The following FMNL1 variants were observed in gnomAD, a reference collection of about 807,000 sequenced individuals.
FMNL1 encodes the protein formin-like protein 1.
FMNL1 carries 43 observed loss-of-function variants against 121.3 expected under a neutral mutation model. The observed-to-expected ratio is 0.35, with a 90% CI of 0.28 to 0.46. The LOEUF is 0.46. Among genes scored for constraint, FMNL1 ranks in the 20% least tolerant of loss-of-function variants. FMNL1 has a pLI of 1.00. For synonymous variants in FMNL1, 613 were observed against 613.5 expected (o/e 1.00, Z 0.01); for missense variants, 1,191 against 1,482.4 (o/e 0.80, Z 3.23).
In FMNL1 at chr17:45,231,738, T is replaced by A. The variant is rs946990616; in HGVS notation, c.214-629T>A. ...TGAGCACAGGAGAGGAGCACGCAGGTTCCTGCCAACGCAGATGTGCAGGGC... is the reference window on the plus strand; with the variant it reads ...TGAGCACAGGAGAGGAGCACGCAGGATCCTGCCAACGCAGATGTGCAGGGC... On this transcript the variant is annotated intron_variant, in intron 2 of 26. Coordinates refer to ENST00000331495, the MANE Select transcript of FMNL1 (RefSeq NM_005892.4). This position sits in a 1 kb window ranked among gnomAD's most constrained non-coding sequence, Gnocchi z 4.7. Among the ~76,000 whole-genome samples, 1 of 152,032 alleles carries A rather than the reference T, an allele frequency of 6.6e-6. No homozygotes were observed. The highest frequency in any genetic ancestry group is 2.4e-5 in the African/African-American group (1 of 41,376).
At chr17:45,238,193 C>A in intron 9 of FMNL1, 1 of 229,954 alleles carries the variant, frequency 4.3e-6, no homozygotes, top group Non-Finnish European at 8.6e-6. Flanking sequence ...AGAAAAAAGC[C>A]AGCAATGTTG....
chr17:45,230,249 A>G (rs1427319868), intron 1 of FMNL1, among the ~76,000 whole-genome samples: 1 of 152,136 alleles, frequency 6.6e-6, no homozygotes, highest in Non-Finnish European at 1.5e-5. Context: ...TGATGCCCCA[A>G]CAGGAAAACT....
At chr17:45,235,844 C>CGCCACCTTG (rs1282744338) in intron 6 of FMNL1, among the ~76,000 whole-genome samples, 1 of 152,182 alleles carries the variant, frequency 6.6e-6, no homozygotes, top group East Asian at 1.9e-4. Flanking sequence ...TGGCCATGAG[C>CGCCACCTTG]GCCACCTTGT....
In FMNL1 at chr17:45,238,998, A is replaced by T. The variant is rs1188214863; in HGVS notation, c.1013A>T (p.Glu338Val). The T allele has an allele frequency of 1.9e-6, 3 of 1,614,084 alleles. No homozygotes were observed. The highest frequency in any genetic ancestry group is 2.5e-6 in the Non-Finnish European group (3 of 1,180,036). Residue 338 changes from glutamate to valine, a missense_variant, in exon 11 of 27, where the codon GAG becomes GTG. Physicochemically the swap from Glu to Val is moderately radical, Grantham distance 121. Coordinates refer to ENST00000331495, the MANE Select transcript of FMNL1 (RefSeq NM_005892.4). ...QFINIVVHSV[E>V]NMNFRVFLQY... ...ATCAACATTGTGGTACATTCGGTGGAGAACATGAACTTCCGTGTCTTCCTG... is the reference window on the plus strand; with the variant it reads ...ATCAACATTGTGGTACATTCGGTGGTGAACATGAACTTCCGTGTCTTCCTG...
intron 16 of FMNL1, 117 bp downstream of exon 16, chr17:45,242,582 G>A (rs1015216366): frequency 2.1e-6 from 3 of 1,444,950 alleles, no homozygotes; most frequent in Non-Finnish European, 2.8e-6. Context: ...ATGAGGAGGG[G>A]GAGGCCCAGG....
At position 45,233,322 on chromosome 17, in the gene FMNL1, C is replaced by A. The variant is rs1458577090; in HGVS notation, c.401+25C>A. 6.5e-7 allele frequency: 1 copy of A among 1,549,764 alleles called. No homozygotes were observed. ...GGTGAGTGAGGGCTCAGATCTTCCT[C>A]TCTGGGCCTAGGAAGGCTCTGCTTC... On this transcript the variant is annotated intron_variant, in intron 4 of 26. Transcript: ENST00000331495. The surrounding 1 kb of genome is among the most constrained non-coding windows in gnomAD (Gnocchi z 4.1).
chr17:45,222,424 C>T (rs2043246365), intron 1 of FMNL1, among the ~76,000 whole-genome samples, 171 bp downstream of exon 1: 1 of 151,986 alleles, frequency 6.6e-6, no homozygotes, highest in Non-Finnish European at 1.5e-5. Context: ...TTCAGAGTGA[C>T]TTAGCACTCT....
At position 45,243,786 on chromosome 17, in the gene FMNL1, C is replaced by T; in HGVS notation, c.2214-5C>T. 6.2e-7 allele frequency: 1 copy of T among 1,605,330 alleles called. No individual in the cohort carries two copies. The highest frequency in any genetic ancestry group is 1.3e-5 in the African/African-American group (1 of 74,916). On this transcript the variant is annotated splice_polypyrimidine_tract_variant and splice_region_variant and intron_variant, in intron 17 of 26. Coordinates refer to ENST00000331495, the MANE Select transcript of FMNL1 (RefSeq NM_005892.4). ...GCCCAATCTCCCCTCTCCTCCCTCT[C>T]ACAGGTACGACCTGCAGGCTCTGGG...
At chr17:45,224,561 C>G (rs1318212204) in intron 1 of FMNL1, among the ~76,000 whole-genome samples, 1 of 152,198 alleles carries the variant, frequency 6.6e-6, no homozygotes, top group Non-Finnish European at 1.5e-5. Flanking sequence ...CTTCCTTCCC[C>G]TTTTGTCCCT....
chr17:45,234,174 G>A lies in FMNL1; in HGVS notation c.588G>A (p.Val196=). The change falls in exon 6 of 27, where the codon GTG becomes GTA. Residue 196 remains valine (V), a synonymous_variant. Coordinates refer to ENST00000331495, the MANE Select transcript of FMNL1 (RefSeq NM_005892.4). ...EDLSKGPPSS[V]PKSRHLTIKL... is the part of the protein sequence containing the mutation. ...TCAGCAAGGGTCCACCCTCCTCCGT[G>A]CCCAAAAGCCGCCACCTGACCATCA... 2 of 1,614,090 alleles carry A rather than the reference G, an allele frequency of 1.2e-6. No homozygotes were observed. Among genetic ancestry groups the A allele is most frequent in the Non-Finnish European group, 1.7e-6 (2 of 1,180,020 alleles).
At chr17:45,240,887 C>A in intron 12 of FMNL1, 1 of 701,828 alleles carries the variant, frequency 1.4e-6, no homozygotes, top group South Asian at 1.9e-5. Flanking sequence ...GAAATGGGTG[C>A]CTGGGGCCCC....
Position 45,222,264 on chromosome 17 carries a change from C to A in FMNL1, c.129+11C>A, listed in dbSNP as rs968654022. On this transcript the variant is annotated intron_variant, in intron 1 of 26. Coordinates refer to ENST00000331495, the MANE Select transcript of FMNL1 (RefSeq NM_005892.4). ...TTCAACCGCGCCCTGGTGAGTGCGA[C>A]CCGGAGGCGGGTCGGGCGCGGGCGG... is the stretch of plus-strand genomic sequence containing the variant. The A allele has an allele frequency of 2.5e-6, 3 of 1,178,476 alleles. No homozygotes were observed. Among genetic ancestry groups the A allele is most frequent in the Non-Finnish European group, 3.2e-6 (3 of 951,914 alleles). The allele number at this position is 1,178,476 out of a possible 1,614,324, so 73.0% of individuals were successfully genotyped here. A position where few individuals can be genotyped will look rare whatever the true frequency, so the allele number is the denominator to read the frequency against.
chr17:45,222,163 C>A lies in FMNL1; in HGVS notation c.39C>A (p.Gly13=). The A allele has an allele frequency of 8.3e-7, 1 of 1,208,694 alleles. No individual in the cohort carries two copies. 74.9% of individuals were successfully genotyped at this position (1,208,694 alleles called of 1,614,324 possible). Residue 13 remains glycine (G), a synonymous_variant, in exon 1 of 27, where the codon GGC becomes GGA. Coordinates refer to ENST00000331495, the MANE Select transcript of FMNL1 (RefSeq NM_005892.4). ...NAAGSAEQPA[G]PAAPPPKQPA... ...CCGGCAGCGCCGAGCAGCCCGCGGG[C>A]CCCGCCGCGCCGCCCCCCAAGCAGC...
Position 45,237,152 on chromosome 17 carries a change from G to A in FMNL1, c.724-129G>A. ...AATAGAAACAAGGCCAGGTTTTGGT[G>A]GCCACAGAAGTTGCGGTTGGATACA... On this transcript the variant is annotated intron_variant, in intron 7 of 26. Coordinates refer to ENST00000331495, the MANE Select transcript of FMNL1 (RefSeq NM_005892.4). The surrounding 1 kb of genome is among the most constrained non-coding windows in gnomAD (Gnocchi z 4.4). 2.7e-6 allele frequency: 2 copies of A among 751,718 alleles called. No individual in the cohort carries two copies. Among genetic ancestry groups the A allele is most frequent in the Non-Finnish European group, 4.4e-6 (2 of 450,954 alleles). The allele number at this position is 751,718 out of a possible 1,614,324, so 46.6% of individuals were successfully genotyped here.
intron 24 of FMNL1, 105 bp from the exon 25 acceptor site, chr17:45,246,105 C>A: frequency 3.3e-6 from 5 of 1,533,608 alleles, no homozygotes; most frequent in African/African-American, 1.4e-5. Context: ...GGAAAGGGTT[C>A]TTTCTGCTCA....
rs1226922432 is a variant in FMNL1, at chr17:45,241,574, G to C, written c.1525G>C (p.Ala509Pro). The change falls in exon 14 of 27, where the codon GCA (alanine) becomes CCA (proline). Residue 509 changes from alanine to proline, a missense_variant. Physicochemically the swap from Ala to Pro is conservative, Grantham distance 27. Transcript: ENST00000331495. This position sits in a 1 kb window ranked among gnomAD's most constrained non-coding sequence, Gnocchi z 7.0. ...VSIEILPVAV[A>P]TPSGGDAPTP... The stretch of plus-strand genomic sequence containing the variant: ...CATCGAGATCCTCCCCGTCGCTGTG[G>C]CAACTCCGAGCGGCGGTGATGCTCC... 4 of 1,564,048 alleles carry C rather than the reference G, an allele frequency of 2.6e-6. No individual in the cohort carries two copies. The South Asian group carries it at 4.7e-5, about 18-fold the overall frequency.
intron 1 of FMNL1, among the ~76,000 whole-genome samples, chr17:45,228,545 A>G (rs2143246887): frequency 6.6e-6 from 1 of 152,330 alleles, no homozygotes; most frequent in East Asian, 1.9e-4. Context: ...TGCACCTGTG[A>G]GGTGGGAATG....
Position 45,233,500 on chromosome 17 carries a change from AC to A in FMNL1, c.402-145del, listed in dbSNP as rs2043484195. The A allele has an allele frequency of 1.7e-5, 18 of 1,037,760 alleles. No individual in the cohort carries two copies. In the South Asian group the frequency reaches 2.7e-4, roughly 15 times the overall value. 64.3% of individuals were successfully genotyped at this position (1,037,760 alleles called of 1,614,324 possible). On this transcript the variant is annotated intron_variant, in intron 4 of 26. Coordinates refer to ENST00000331495, the MANE Select transcript of FMNL1 (RefSeq NM_005892.4). This position sits in a 1 kb window ranked among gnomAD's most constrained non-coding sequence, Gnocchi z 4.1. ...CCTTGAGGCATGGCTGGGCTGTGGGACCCACCTGAGTCTCCCAGAATCCTTT... is the reference window on the plus strand; with the variant it reads ...CCTTGAGGCATGGCTGGGCTGTGGGACCACCTGAGTCTCCCAGAATCCTTT...
rs774147968 is a variant in FMNL1 at position 45,243,779 on chromosome 17, T to A, written c.2214-12T>A. 18 of 1,602,596 alleles carry A rather than the reference T, an allele frequency of 1.1e-5. No homozygotes were observed. The highest frequency in any genetic ancestry group is 1.5e-5 in the Non-Finnish European group (17 of 1,170,886). ...GGATGATGCCCAATCTCCCCTCTCCTCCCTCTCACAGGTACGACCTGCAGG... is the reference window on the plus strand; with the variant it reads ...GGATGATGCCCAATCTCCCCTCTCCACCCTCTCACAGGTACGACCTGCAGG... On this transcript the variant is annotated splice_polypyrimidine_tract_variant and intron_variant, in intron 17 of 26. Coordinates refer to ENST00000331495, the MANE Select transcript of FMNL1 (RefSeq NM_005892.4).
Sources: gnomAD v4.1 joint callset for allele counts (sites outside exome capture counted in the v4.1 genomes callset) on GRCh38, gnomAD v4.1.1 for gene constraint, Gnocchi (gnomAD v3.1) non-coding constraint, MANE v1.5 for transcripts, NCBI Gene and HGNC (gene_info 2026-07-23, HGNC 2026-07-21) for gene names.